Variants in GNAO1 observed in about 807,000 individuals in gnomAD.
The protein encoded by GNAO1 is guanine nucleotide-binding protein G(o) subunit alpha.
For synonymous variants in GNAO1, 164 were observed against 180.7 expected, an observed-to-expected ratio of 0.91 and a Z score of 0.74; for missense variants, 166 against 478.7, an observed-to-expected ratio of 0.35 and a Z score of 6.10.
intron 3 of GNAO1, among the ~76,000 whole-genome samples, chr16:56,279,272 C>A (rs1349979684): frequency 6.6e-6 from 1 of 152,204 alleles, no homozygotes; most frequent in African/African-American, 2.4e-5. Context: ...TCTGTTTCCC[C>A]CAGAGGAAAG....
intron 2 of GNAO1, among the ~76,000 whole-genome samples, chr16:56,228,992 TG>T (rs2036561349): frequency 6.6e-6 from 1 of 152,260 alleles, no homozygotes; most frequent in African/African-American, 2.4e-5. Flanking sequence ...CTCTGCTGTG[TG>T]TGTGGTACAT....
chr16:56,223,343 A>C (rs1032903715), intron 2 of GNAO1, among the ~76,000 whole-genome samples: 2 of 152,228 alleles, frequency 1.3e-5, no homozygotes, highest in Non-Finnish European at 2.9e-5. Flanking sequence ...AAAAGCCAGC[A>C]GTGGCAAGTT....
In GNAO1 at chr16:56,336,791, C is replaced by T. The variant is rs139322464; in HGVS notation, c.654C>T (p.Asp218=). 530 of 1,613,736 alleles carry T rather than the reference C, an allele frequency of 3.3e-4. 4 individuals carry two copies. The African/African-American group carries it at 6.3e-3, about 19-fold the overall frequency. The stretch of plus-strand genomic sequence containing the variant: ...AGAAGTGGATCCATTGCTTCGAGGA[C>T]GTCACGGCCATCATTTTCTGTGTCG... The part of the protein sequence containing the change: ...ERKKWIHCFE[D]VTAIIFCVAL... Residue 218 remains aspartate, a synonymous_variant, in exon 6 of 9, where the codon GAC becomes GAT. Transcript: ENST00000262493.
Position 56,310,471 on chromosome 16 carries a change from G to T in GNAO1, c.304-18160G>T, listed in dbSNP as rs74348748. Among the ~76,000 whole-genome samples the T allele has an allele frequency of 7.1e-3, 1,079 of 152,294 alleles. 14 individuals carry two copies. The highest frequency in any genetic ancestry group is 0.025 in the African/African-American group (1,043 of 41,544). On this transcript the variant is annotated intron_variant, in intron 3 of 8. Coordinates refer to ENST00000262493, the MANE Select transcript of GNAO1 (RefSeq NM_020988.3). ...AAATTATGCGAGTAACTGAGGCTTG[G>T]GAGATGCTGCTGTGGAGCATGACTT...
chr16:56,300,096 G>T (rs1204827124), intron 3 of GNAO1, among the ~76,000 whole-genome samples: 1 of 151,202 alleles, frequency 6.6e-6, no homozygotes, highest in Non-Finnish European at 1.5e-5. Context: ...CGTGTAGCTG[G>T]ATGTGTAGTT....
chr16:56,191,907 C>A lies in GNAO1; in HGVS notation c.-329C>A. Reference sequence around the variant, plus strand: ...GACTATTATTTTATTTATTTTGGGTCGTGCACAAGCCTCAGTGCCTGCAGT... The same window carrying A: ...GACTATTATTTTATTTATTTTGGGTAGTGCACAAGCCTCAGTGCCTGCAGT... On this transcript the variant is annotated 5_prime_UTR_variant, in exon 1 of 9. Coordinates refer to ENST00000262493, the MANE Select transcript of GNAO1 (RefSeq NM_020988.3). The surrounding 1 kb of genome is among the most constrained non-coding windows in gnomAD (Gnocchi z 4.7). 2 of 327,988 alleles carry A rather than the reference C, an allele frequency of 6.1e-6. No homozygotes were observed. The highest frequency in any genetic ancestry group is 9.5e-5 in the South Asian group (2 of 21,094). The allele number at this position is 327,988 out of a possible 1,614,324, so 20.3% of individuals were successfully genotyped here.
At chr16:56,211,778 C>T (rs1000494861) in intron 2 of GNAO1, among the ~76,000 whole-genome samples, 2 of 152,202 alleles carry the variant, frequency 1.3e-5, no homozygotes, top group Non-Finnish European at 2.9e-5. Flanking sequence ...TCCCGCTTCT[C>T]GTTGATTGTC....
chr16:56,250,430 G>A (rs1373131782), intron 2 of GNAO1, among the ~76,000 whole-genome samples: 1 of 152,198 alleles, frequency 6.6e-6, no homozygotes, highest in Non-Finnish European at 1.5e-5. Context: ...GGGGGAAGAT[G>A]GAATGTCCTC....
At chr16:56,306,300 C>T (rs1357700603) in intron 3 of GNAO1, among the ~76,000 whole-genome samples, 2 of 152,234 alleles carry the variant, frequency 1.3e-5, no homozygotes, top group Admixed American at 6.5e-5. Flanking sequence ...GGCCCACACT[C>T]TGGGAAATCC....
intron 2 of GNAO1, among the ~76,000 whole-genome samples, chr16:56,256,696 C>G (rs985277109): frequency 4.7e-4 from 51 of 107,410 alleles, no homozygotes; most frequent in Admixed American, 4.5e-3. Context: ...GTCTCTCTCT[C>G]TCTCTCTCTC....
At chr16:56,249,338 C>T (rs901009473) in intron 2 of GNAO1, among the ~76,000 whole-genome samples, 25 of 152,144 alleles carry the variant, frequency 1.6e-4, no homozygotes, top group Non-Finnish European at 2.4e-4. Context: ...GGTGCTGCTA[C>T]GACACCGTTT....
intron 3 of GNAO1, among the ~76,000 whole-genome samples, chr16:56,320,334 G>A (rs144488299): frequency 1.1e-4 from 16 of 152,234 alleles, no homozygotes; most frequent in African/African-American, 3.4e-4. Flanking sequence ...GGACAGCAGC[G>A]CAGCCCACCC....
intron 3 of GNAO1, among the ~76,000 whole-genome samples, chr16:56,293,427 C>T (rs2037251782): frequency 6.6e-6 from 1 of 152,148 alleles, no homozygotes; most frequent in Non-Finnish European, 1.5e-5. Context: ...TGGCTTCTCA[C>T]CCTGTCTCCT....
At chr16:56,334,676 C>T (rs1255807061) in intron 4 of GNAO1, 53 bp from the exon 5 acceptor site, 75 of 1,600,952 alleles carry the variant, frequency 4.7e-5, no homozygotes, top group Admixed American at 3.0e-4. Flanking sequence ...TGGCCAGTCC[C>T]GAACAGTGTC....
intron 4 of GNAO1, among the ~76,000 whole-genome samples, chr16:56,333,699 C>T (rs2037714016): frequency 6.6e-6 from 1 of 152,260 alleles, no homozygotes. Context: ...TCAGCATGCC[C>T]ATCTCTCATG....
At chr16:56,277,579 G>A (rs1596837298) in intron 3 of GNAO1, among the ~76,000 whole-genome samples, 1 of 152,094 alleles carries the variant, frequency 6.6e-6, no homozygotes, top group Non-Finnish European at 1.5e-5. Flanking sequence ...TGGCTGCCAG[G>A]CACATACTAA....
At chr16:56,327,335 C>T (rs776589490) in intron 3 of GNAO1, among the ~76,000 whole-genome samples, 7 of 152,042 alleles carry the variant, frequency 4.6e-5, no homozygotes, top group Non-Finnish European at 8.8e-5. Context: ...TGGGCCACGG[C>T]GAGTCCTGTG....
chr16:56,343,959 G>A (rs776093178), intron 6 of GNAO1: 6 of 1,611,586 alleles, frequency 3.7e-6, no homozygotes, highest in East Asian at 4.5e-5. Context: ...GAGCCCAGCC[G>A]CCCTGCCCGG....
chr16:56,195,167 T>A (rs77378358), intron 2 of GNAO1, among the ~76,000 whole-genome samples: 5 of 151,564 alleles, frequency 3.3e-5, no homozygotes, highest in Non-Finnish European at 4.4e-5. Context: ...ATTTTTTTTT[T>A]AAAGCACAAT....
Sources: gnomAD v4.1 joint callset for allele counts (sites outside exome capture counted in the v4.1 genomes callset) on GRCh38, gnomAD v4.1.1 for gene constraint, Gnocchi (gnomAD v3.1) non-coding constraint, MANE v1.5 for transcripts, NCBI Gene and HGNC (gene_info 2026-07-23, HGNC 2026-07-21) for gene names.